The following ELF2 variants were observed in gnomAD, a reference collection of about 807,000 sequenced individuals.
ELF2 encodes the protein ETS-related transcription factor Elf-2.
ELF2 carries 11 observed loss-of-function variants against 54.8 expected under a neutral mutation model. The observed-to-expected ratio is 0.20, with a 90% CI of 0.13 to 0.33. The LOEUF is 0.33. Ranked by LOEUF, ELF2 falls within the 10% of genes least tolerant of loss-of-function variation. The pLI is 1.00. For synonymous variants in ELF2, 203 were observed against 245.1 expected (o/e 0.83, Z 1.61); for missense variants, 513 against 703.0 (o/e 0.73, Z 3.06).
In ELF2 at chr4:139,161,105, G is replaced by A. The variant is rs993727116; in HGVS notation, c.-252+15862C>T. On this transcript the variant is annotated intron_variant, in intron 1 of 9. Transcript: ENST00000686138. The stretch of plus-strand genomic sequence containing the variant: ...TACCTATGTACATATATTATGTTGC[G>A]TATTGTGTATACAGCCAGAAATTCC... Among the ~76,000 whole-genome samples the A allele has an allele frequency of 5.9e-5, 9 of 152,230 alleles. No individual in the cohort carries two copies. The East Asian group carries it at 7.7e-4, about 13-fold the overall frequency.
intron 3 of ELF2, among the ~76,000 whole-genome samples, chr4:139,135,674 C>T (rs1033524247): frequency 5.3e-5 from 8 of 152,104 alleles, no homozygotes; most frequent in African/African-American, 1.9e-4. Context: ...AAATAAGTGG[C>T]CACTTACGTA....
chr4:139,107,424 G>A (rs1193782371), intron 4 of ELF2, among the ~76,000 whole-genome samples: 2 of 152,040 alleles, frequency 1.3e-5, no homozygotes, highest in Non-Finnish European at 2.9e-5. Context: ...TGAGGTGATG[G>A]ATATCCCAAT....
At chr4:139,103,255 A>C (rs1258309824) in intron 4 of ELF2, among the ~76,000 whole-genome samples, 1 of 152,174 alleles carries the variant, frequency 6.6e-6, no homozygotes, top group Non-Finnish European at 1.5e-5. Flanking sequence ...AAATCCTTGG[A>C]ATCTCCAAAG....
chr4:139,161,651 T>TAA (rs1560884167), intron 1 of ELF2, among the ~76,000 whole-genome samples: 1 of 101,868 alleles, frequency 9.8e-6, no homozygotes, highest in African/African-American at 4.0e-5. Flanking sequence ...GTAAAACTGT[T>TAA]TAAAAAAAAA....
intron 7 of ELF2, chr4:139,066,358 A>T (rs1037730944): frequency 6.6e-6 from 1 of 152,114 alleles, no homozygotes; most frequent in African/African-American, 2.4e-5. Flanking sequence ...CTATAATCCC[A>T]ACACTTTGGG....
intron 4 of ELF2, among the ~76,000 whole-genome samples, chr4:139,114,506 T>C (rs1429791946): frequency 6.9e-6 from 1 of 145,456 alleles, no homozygotes; most frequent in African/African-American, 2.5e-5. Context: ...GAGGTTGCAG[T>C]GAGCTGAGAT....
At chr4:139,169,880 A>G (rs572960827) in intron 1 of ELF2, among the ~76,000 whole-genome samples, 68 of 146,468 alleles carry the variant, frequency 4.6e-4, no homozygotes, top group African/African-American at 1.6e-3. Flanking sequence ...AAAAAAAGCT[A>G]TGTCTTCCTT....
intron 4 of ELF2, among the ~76,000 whole-genome samples, chr4:139,105,922 C>T (rs1652964699): frequency 6.6e-6 from 1 of 152,162 alleles, no homozygotes; most frequent in Non-Finnish European, 1.5e-5. Context: ...CCAACAGCAG[C>T]CTTATCACCT....
intron 7 of ELF2, chr4:139,067,368 T>A (rs781557350): frequency 3.1e-4 from 79 of 254,074 alleles, no homozygotes; most frequent in Non-Finnish European, 6.1e-5. Context: ...TAGCTATATA[T>A]GAGGATGGGT....
intron 5 of ELF2, among the ~76,000 whole-genome samples, 176 bp downstream of exon 5, chr4:139,073,278 T>C (rs1260000857): frequency 2.6e-5 from 4 of 152,224 alleles, no homozygotes; most frequent in African/African-American, 9.6e-5. Flanking sequence ...GAAAATTAAG[T>C]ATTTAAGACT....
At chr4:139,122,857 T>C (rs1035569929) in intron 4 of ELF2, among the ~76,000 whole-genome samples, 13 of 151,992 alleles carry the variant, frequency 8.6e-5, no homozygotes, top group Non-Finnish European at 1.9e-4. Context: ...AACTAATCTA[T>C]GAATATTAAC....
chr4:139,145,701 T>A (rs1739163366), intron 1 of ELF2, among the ~76,000 whole-genome samples: 1 of 152,214 alleles, frequency 6.6e-6, no homozygotes, highest in South Asian at 2.1e-4. Context: ...CATGATCAAG[T>A]GGGTTTAATC....
intron 1 of ELF2, among the ~76,000 whole-genome samples, chr4:139,153,924 A>G (rs1179031632): frequency 6.6e-6 from 1 of 152,132 alleles, no homozygotes; most frequent in Non-Finnish European, 1.5e-5. Context: ...CAGGAATGTG[A>G]CCATACTCTC....
At chr4:139,090,641 C>T (rs931716125) in intron 4 of ELF2, among the ~76,000 whole-genome samples, 6 of 152,246 alleles carry the variant, frequency 3.9e-5, no homozygotes, top group African/African-American at 9.6e-5. Flanking sequence ...GTCATCCATG[C>T]GGGAGTATAG....
At chr4:139,082,507 C>G (rs1731256781) in intron 4 of ELF2, among the ~76,000 whole-genome samples, 1 of 152,156 alleles carries the variant, frequency 6.6e-6, no homozygotes, top group Non-Finnish European at 1.5e-5. Context: ...CATATTTTTA[C>G]ATTTTATAGA....
chr4:139,152,709 T>C (rs947129648), intron 1 of ELF2, among the ~76,000 whole-genome samples: 2 of 152,068 alleles, frequency 1.3e-5, no homozygotes, highest in African/African-American at 4.8e-5. Context: ...CCATTACCCT[T>C]AGTCATTTAA....
At chr4:139,121,181 T>A (rs542524156) in intron 4 of ELF2, among the ~76,000 whole-genome samples, 1,401 of 132,656 alleles carry the variant, frequency 0.011, 12 homozygotes, top group Non-Finnish European at 0.017. Flanking sequence ...CGATCTCGGC[T>A]CACTGCAAGC....
At chr4:139,173,211 A>G (rs577380762) in intron 1 of ELF2, among the ~76,000 whole-genome samples, 1 of 152,286 alleles carries the variant, frequency 6.6e-6, no homozygotes, top group East Asian at 1.9e-4. Flanking sequence ...AGATAGTTTC[A>G]CGATCTATAT....
chr4:139,099,679 C>G (rs1246276155), intron 4 of ELF2, among the ~76,000 whole-genome samples: 1 of 152,120 alleles, frequency 6.6e-6, no homozygotes, highest in Non-Finnish European at 1.5e-5. Context: ...CCAGACTGAC[C>G]CAGGCCATTT....
Sources: gnomAD v4.1 joint callset for allele counts (sites outside exome capture counted in the v4.1 genomes callset) on GRCh38, gnomAD v4.1.1 for gene constraint, MANE v1.5 for transcripts, NCBI Gene and HGNC (gene_info 2026-07-23, HGNC 2026-07-21) for gene names.